The following MITF variants were observed in gnomAD, a reference collection of about 807,000 sequenced individuals.
The protein encoded by MITF is melanocyte inducing transcription factor, also known as microphthalmia-associated transcription factor.
MITF carries 17 observed loss-of-function variants against 60.5 expected under a neutral mutation model. The observed-to-expected ratio is 0.28, with a 90% CI of 0.19 to 0.42. MITF has a LOEUF of 0.42. Among genes scored for constraint, MITF ranks in the 10% least tolerant of loss-of-function variants. The pLI, the probability that MITF is intolerant of heterozygous loss-of-function variation, is 1.00. For missense variants in MITF, 622 were observed against 683.5 expected, an observed-to-expected ratio of 0.91 and a Z score of 1.00; for synonymous variants, 260 against 248.5, an observed-to-expected ratio of 1.05 and a Z score of -0.43.
intron 1 of MITF, among the ~76,000 whole-genome samples, chr3:69,746,981 T>G (rs897155426): frequency 6.6e-6 from 1 of 152,232 alleles, no homozygotes. Context: ...TTCCCTCCTG[T>G]GGCTTTGGAT....
intron 1 of MITF, among the ~76,000 whole-genome samples, chr3:69,869,120 A>G (rs1338646520): frequency 6.6e-6 from 1 of 152,176 alleles, no homozygotes; most frequent in Non-Finnish European, 1.5e-5. Flanking sequence ...CTAAGGTTCT[A>G]GTATTATTAG....
At chr3:69,890,760 C>T (rs2064742291) in intron 2 of MITF, among the ~76,000 whole-genome samples, 1 of 152,034 alleles carries the variant, frequency 6.6e-6, no homozygotes, top group African/African-American at 2.4e-5. Context: ...CTTATTAAAC[C>T]AGAAATAATA....
At chr3:69,783,527 A>G (rs756562223) in intron 1 of MITF, among the ~76,000 whole-genome samples, 2 of 149,870 alleles carry the variant, frequency 1.3e-5, no homozygotes, top group Non-Finnish European at 3.0e-5. Flanking sequence ...AATAAAGGAG[A>G]TTATTTCTCT....
intron 2 of MITF, among the ~76,000 whole-genome samples, chr3:69,907,749 T>G (rs1383250707): frequency 1.3e-5 from 2 of 152,144 alleles, no homozygotes; most frequent in South Asian, 2.1e-4. Flanking sequence ...GAGGCTTTCC[T>G]CAGACCAGTC....
intron 2 of MITF, among the ~76,000 whole-genome samples, chr3:69,880,731 C>T (rs2064467211): frequency 6.6e-6 from 1 of 151,822 alleles, no homozygotes; most frequent in Non-Finnish European, 1.5e-5. Context: ...TGTCTCATGC[C>T]TGCAGGGGTG....
chr3:69,838,574 G>A (rs2063576158), intron 1 of MITF: 2 of 152,566 alleles, frequency 1.3e-5, no homozygotes, highest in Admixed American at 1.3e-4. Context: ...GTTTGTAACT[G>A]TTTTTTGGCT....
At chr3:69,809,034 A>G (rs763266157) in intron 1 of MITF, among the ~76,000 whole-genome samples, 8 of 152,058 alleles carry the variant, frequency 5.3e-5, no homozygotes, top group Non-Finnish European at 1.2e-4. Context: ...GAGCATATGG[A>G]TAAATTTAAG....
intron 9 of MITF, among the ~76,000 whole-genome samples, chr3:69,963,352 C>T (rs574412453): frequency 6.6e-6 from 1 of 152,298 alleles, no homozygotes; most frequent in African/African-American, 2.4e-5. Flanking sequence ...AGAACTTTCA[C>T]AGCTTTTGCT....
At chr3:69,812,693 T>A (rs965849966) in intron 1 of MITF, among the ~76,000 whole-genome samples, 7 of 152,212 alleles carry the variant, frequency 4.6e-5, no homozygotes, top group African/African-American at 7.2e-5. Context: ...GTGACATAGT[T>A]CTTTGTGTTA....
intron 1 of MITF, among the ~76,000 whole-genome samples, chr3:69,806,823 C>T (rs970662205): frequency 6.6e-6 from 1 of 152,124 alleles, no homozygotes; most frequent in Non-Finnish European, 1.5e-5. Context: ...AGCTGTTTCA[C>T]TTGAGACTCT....
chr3:69,907,251 C>G (rs1222988798), intron 2 of MITF, among the ~76,000 whole-genome samples: 1 of 152,170 alleles, frequency 6.6e-6, no homozygotes. Context: ...ATGTCCAAAA[C>G]TTTCCTGTCT....
At chr3:69,831,136 TA>T (rs2063440073) in intron 1 of MITF, among the ~76,000 whole-genome samples, 1 of 152,186 alleles carries the variant, frequency 6.6e-6, no homozygotes, top group Admixed American at 6.5e-5. Flanking sequence ...CATACTTAAA[TA>T]TTGGTTGCAA....
At chr3:69,796,091 C>T (rs2062823152) in intron 1 of MITF, among the ~76,000 whole-genome samples, 1 of 152,166 alleles carries the variant, frequency 6.6e-6, no homozygotes, top group South Asian at 2.1e-4. Context: ...AAATGATTCT[C>T]CTGTCTCAGA....
At chr3:69,797,124 C>T (rs182446808) in intron 1 of MITF, among the ~76,000 whole-genome samples, 95 of 152,202 alleles carry the variant, frequency 6.2e-4, no homozygotes, top group Non-Finnish European at 9.7e-4. Flanking sequence ...GAGGGTATAC[C>T]TCTAATTCGC....
At chr3:69,930,290 G>C (rs1004830773) in intron 2 of MITF, among the ~76,000 whole-genome samples, 4 of 152,170 alleles carry the variant, frequency 2.6e-5, no homozygotes, top group South Asian at 2.1e-4. Flanking sequence ...GAGGCACTCT[G>C]ACATTTAGAG....
chr3:69,962,467 C>A (rs1383978724), intron 9 of MITF, among the ~76,000 whole-genome samples: 1 of 152,188 alleles, frequency 6.6e-6, no homozygotes, highest in Non-Finnish European at 1.5e-5. Flanking sequence ...AAGGATTTTG[C>A]AGACCCAAAA....
rs376069627 is a variant in MITF at position 69,965,087 on chromosome 3, C to T, written c.1420C>T (p.Pro474Ser). 2.0e-5 allele frequency: 32 copies of T among 1,613,970 alleles called. No homozygotes were observed. Among genetic ancestry groups the T allele is most frequent in the Non-Finnish European group, 2.6e-5 (31 of 1,180,020 alleles). The change falls in exon 10 of 10, where the codon CCC (proline) becomes TCC (serine). Residue 474 changes from proline (P) to serine (S), a missense_variant. Pro to Ser is a moderately conservative substitution (Grantham distance 74). Coordinates refer to ENST00000352241, the MANE Select transcript of MITF (RefSeq NM_001354604.2). Reference protein sequence around the residue: ...GTEANQAYSVPTKMGSKLEDI... With the variant: ...GTEANQAYSVSTKMGSKLEDI... ...TGAGGCCAACCAAGCCTATAGTGTCCCCACAAAAATGGGATCCAAACTGGA... is the reference window on the plus strand; with the variant it reads ...TGAGGCCAACCAAGCCTATAGTGTCTCCACAAAAATGGGATCCAAACTGGA...
rs545414926 is a variant in MITF at position 69,793,417 on chromosome 3, G to C, written c.104+53716G>C. Among the ~76,000 whole-genome samples, 3 of 126,628 alleles carry C rather than the reference G, an allele frequency of 2.4e-5. No homozygotes were observed. The South Asian group carries it at 7.9e-4, about 33-fold the overall frequency. The allele number at this position is 126,628 out of a possible 152,430, so 83.1% of individuals were successfully genotyped here. ...CAAGCTCGGCATTTTAGTCATTTTA[G>C]GTCATATAGCTCTTTGGTGTGAGTA... is the stretch of plus-strand genomic sequence containing the variant. On this transcript the variant is annotated intron_variant, in intron 1 of 9. Coordinates refer to ENST00000352241, the MANE Select transcript of MITF (RefSeq NM_001354604.2).
At chr3:69,777,799 G>C (rs545623824) in intron 1 of MITF, among the ~76,000 whole-genome samples, 1 of 152,146 alleles carries the variant, frequency 6.6e-6, no homozygotes, top group Non-Finnish European at 1.5e-5. Context: ...GAACCTGGAA[G>C]GGAAGATAAA....
Sources: allele counts gnomAD v4.1 joint callset (sites outside exome capture counted in the v4.1 genomes callset), GRCh38; gene constraint gnomAD v4.1.1; transcripts MANE v1.5; gene names NCBI Gene and HGNC (gene_info 2026-07-23, HGNC 2026-07-21).